KAT6B: variants seen among roughly 807,000 people sequenced by gnomAD.
KAT6B encodes the protein histone acetyltransferase KAT6B.
Under a neutral mutation model 187.5 loss-of-function variants are expected in KAT6B, and 10 were observed. That is an observed-to-expected ratio of 0.05 (90% CI 0.03 to 0.09). The LOEUF is 0.09. KAT6B is among the 10% of genes least tolerant of loss of function. The pLI is 1.00. For synonymous variants in KAT6B, 861 were observed against 926.8 expected, an observed-to-expected ratio of 0.93 and a Z score of 1.29; for missense variants, 1,952 against 2,558.9, an observed-to-expected ratio of 0.76 and a Z score of 5.12.
At chr10:74,980,309 A>G (rs1354835979) in intron 10 of KAT6B, among the ~76,000 whole-genome samples, 1 of 152,234 alleles carries the variant, frequency 6.6e-6, no homozygotes, top group East Asian at 1.9e-4. Context: ...CTTTACTAGT[A>G]TCTTCAAAAA....
At chr10:74,950,270 A>G (rs960343625) in intron 3 of KAT6B, among the ~76,000 whole-genome samples, 3 of 152,184 alleles carry the variant, frequency 2.0e-5, no homozygotes, top group African/African-American at 7.2e-5. Flanking sequence ...ACAGGAGTAT[A>G]GAGAAAATGG....
chr10:74,955,928 C>G (rs1332855515), intron 3 of KAT6B, among the ~76,000 whole-genome samples: 1 of 151,968 alleles, frequency 6.6e-6, no homozygotes, highest in Non-Finnish European at 1.5e-5. Flanking sequence ...TGCCCCCTGC[C>G]TCCCTTCTTT....
At chr10:74,911,703 A>G (rs1847213749) in intron 3 of KAT6B, among the ~76,000 whole-genome samples, 1 of 152,156 alleles carries the variant, frequency 6.6e-6, no homozygotes, top group Non-Finnish European at 1.5e-5. Flanking sequence ...TGAGATTTTT[A>G]TATCTATGTC....
In KAT6B at chr10:75,031,011, A is replaced by C. The variant is rs773473193; in HGVS notation, c.6187A>C (p.Lys2063Gln). The C allele has an allele frequency of 3.5e-5, 56 of 1,614,192 alleles. No homozygotes were observed. The highest frequency in any genetic ancestry group is 5.5e-5 in the South Asian group (5 of 91,080). The change falls in exon 18 of 18, where the codon AAA becomes CAA. Residue 2063 changes from lysine (K) to glutamine (Q), a missense_variant. Lys to Gln is a moderately conservative substitution (Grantham distance 53). Coordinates refer to ENST00000287239, the MANE Select transcript of KAT6B (RefSeq NM_012330.4). Reference sequence around the variant, plus strand: ...CGGCTACATGAACACAGGCATGTCCAAACAGTCTCTCAATGGCTCCTACAT... The same window carrying C: ...CGGCTACATGAACACAGGCATGTCCCAACAGTCTCTCAATGGCTCCTACAT... ...HHGYMNTGMS[K>Q]QSLNGSYMRR
At chr10:74,884,759 A>G (rs1845111162) in intron 3 of KAT6B, among the ~76,000 whole-genome samples, 1 of 152,132 alleles carries the variant, frequency 6.6e-6, no homozygotes, top group East Asian at 1.9e-4. Flanking sequence ...TAGTAGAGAC[A>G]GGTTTCACCA....
chr10:74,973,792 G>A (rs1320723277), intron 7 of KAT6B, among the ~76,000 whole-genome samples: 3 of 152,092 alleles, frequency 2.0e-5, no homozygotes, highest in Non-Finnish European at 2.9e-5. Context: ...TTTCATGGTA[G>A]TATCATTTGA....
intron 3 of KAT6B, among the ~76,000 whole-genome samples, chr10:74,892,421 A>AT (rs1213923687): frequency 6.6e-6 from 1 of 151,882 alleles, no homozygotes; most frequent in Non-Finnish European, 1.5e-5. Context: ...AATTATCAAG[A>AT]TTTTCTTCCT....
At chr10:74,826,074 AT>A (rs1840184133), upstream of KAT6B, among the ~76,000 whole-genome samples, 1 of 148,462 alleles carries the variant, frequency 6.7e-6, no homozygotes, top group South Asian at 2.1e-4. Flanking sequence ...CCACCCCTAA[AT>A]CCTGCGGCCG....
chr10:74,861,528 A>G (rs1316366771), intron 3 of KAT6B, among the ~76,000 whole-genome samples: 1 of 152,216 alleles, frequency 6.6e-6, no homozygotes, highest in Non-Finnish European at 1.5e-5. Context: ...GAAGAAGCTG[A>G]GGCATGTCAG....
At chr10:74,994,813 A>AG in intron 13 of KAT6B, among the ~76,000 whole-genome samples, 1 of 152,198 alleles carries the variant, frequency 6.6e-6, no homozygotes, top group East Asian at 1.9e-4. Flanking sequence ...TAAAAAAAAA[A>AG]AAAAAAATGG....
At position 74,985,994 on chromosome 10, in the gene KAT6B, C is replaced by T. The variant is rs368852151; in HGVS notation, c.2535+753C>T. Among the ~76,000 whole-genome samples, 91 of 152,084 alleles carry T rather than the reference C, an allele frequency of 6.0e-4. 1 individual carries two copies. In the South Asian group the frequency reaches 8.9e-3, roughly 15 times the overall value. ...CTGGGAGGTGGAGGTTGCAGTGAGC[C>T]GAGATCGCGCCACTGCACTCCAGCC... On this transcript the variant is annotated intron_variant, in intron 12 of 17. Transcript: ENST00000287239.
intron 3 of KAT6B, among the ~76,000 whole-genome samples, chr10:74,849,322 C>G (rs1182256197): frequency 6.9e-6 from 1 of 145,536 alleles, no homozygotes; most frequent in African/African-American, 2.6e-5. Flanking sequence ...GAGATGGAAT[C>G]TCACTCTGTC....
At chr10:74,977,024 C>T (rs1304725189) in intron 8 of KAT6B, 3 of 340,868 alleles carry the variant, frequency 8.8e-6, no homozygotes, top group Non-Finnish European at 1.7e-5. Flanking sequence ...GATAAAACTT[C>T]TAATCTTGGT....
At chr10:74,986,872 C>T (rs991616861) in intron 12 of KAT6B, among the ~76,000 whole-genome samples, 2 of 152,206 alleles carry the variant, frequency 1.3e-5, no homozygotes, top group Non-Finnish European at 2.9e-5. Context: ...TGCCCACCTT[C>T]CTCGTGCTGC....
At chr10:74,892,415 A>G (rs1845699665) in intron 3 of KAT6B, among the ~76,000 whole-genome samples, 1 of 152,172 alleles carries the variant, frequency 6.6e-6, no homozygotes, top group Non-Finnish European at 1.5e-5. Flanking sequence ...TACTAAAATT[A>G]TCAAGATTTT....
chr10:74,974,412 G>C (rs981943418), intron 7 of KAT6B, among the ~76,000 whole-genome samples: 3 of 152,004 alleles, frequency 2.0e-5, no homozygotes, highest in African/African-American at 7.3e-5. Flanking sequence ...TTCACCTTTA[G>C]CTAAATTGAT....
chr10:74,998,841 T>A (rs939067913), intron 13 of KAT6B, among the ~76,000 whole-genome samples: 3 of 152,180 alleles, frequency 2.0e-5, no homozygotes, highest in Non-Finnish European at 4.4e-5. Context: ...CCATTAAGGA[T>A]GGCTTGATCC....
intron 12 of KAT6B, among the ~76,000 whole-genome samples, chr10:74,985,626 A>G (rs541675891): frequency 5.9e-5 from 9 of 152,234 alleles, no homozygotes; most frequent in Non-Finnish European, 1.2e-4. Flanking sequence ...TCTGTGGTCA[A>G]CAGTATCTCA....
At chr10:74,920,157 C>T (rs1848007250) in intron 3 of KAT6B, among the ~76,000 whole-genome samples, 1 of 152,144 alleles carries the variant, frequency 6.6e-6, no homozygotes, top group Non-Finnish European at 1.5e-5. Flanking sequence ...TTTTCATATG[C>T]TTCTGCCTTC....
Sources: gnomAD v4.1 joint callset for allele counts (sites outside exome capture counted in the v4.1 genomes callset) on GRCh38, gnomAD v4.1.1 for gene constraint, MANE v1.5 for transcripts, NCBI Gene and HGNC (gene_info 2026-07-23, HGNC 2026-07-21) for gene names.